DARS2: variants seen among roughly 807,000 people sequenced by gnomAD.
DARS2 encodes the protein aspartyl-tRNA synthetase 2, mitochondrial, also known as aspartate--tRNA ligase, mitochondrial.
DARS2 carries 63 observed loss-of-function variants against 83.0 expected under a neutral mutation model. The ratio of observed to expected loss-of-function variants is 0.76; its 90% CI spans 0.62 to 0.94. The LOEUF (loss-of-function observed/expected upper bound fraction) is 0.94, where lower values mean the gene tolerates loss of function less well. Ranked by LOEUF, DARS2 falls within the 40% of genes least tolerant of loss-of-function variation. The pLI, the probability that DARS2 is intolerant of heterozygous loss-of-function variation, is 0.00. For missense variants in DARS2, 675 were observed against 774.4 expected (o/e 0.87, Z 1.52); for synonymous variants, 250 against 269.3 (o/e 0.93, Z 0.70).
At chr1:173,833,070 C>G (rs61625780) in intron 5 of DARS2, among the ~76,000 whole-genome samples, 1 of 151,976 alleles carries the variant, frequency 6.6e-6, no homozygotes, top group Non-Finnish European at 1.5e-5. Flanking sequence ...TTCTAAGAGA[C>G]CTTTGAAATC....
chr1:173,848,639 T>C (rs1042137815), intron 12 of DARS2, among the ~76,000 whole-genome samples: 1 of 152,266 alleles, frequency 6.6e-6, no homozygotes, highest in Non-Finnish European at 1.5e-5. Context: ...AGAAGTCTGA[T>C]GCTTTGATGC....
At chr1:173,834,732 GTTTT>G in intron 7 of DARS2, among the ~76,000 whole-genome samples, 572 of 21,668 alleles carry the variant, frequency 0.026, 4 homozygotes, top group Middle Eastern at 0.05. Flanking sequence ...GAGTTTTTTT[GTTTT>G]TTTTTTTTTT....
chr1:173,843,483 C>T (rs1653309441), intron 11 of DARS2, among the ~76,000 whole-genome samples: 1 of 152,138 alleles, frequency 6.6e-6, no homozygotes, highest in Non-Finnish European at 1.5e-5. Context: ...TCGCTTGAAC[C>T]CCGGAGGCGG....
chr1:173,847,844 CTTTTTTTTTTT>C (rs1160841148), intron 12 of DARS2, among the ~76,000 whole-genome samples: 4 of 78,616 alleles, frequency 5.1e-5, no homozygotes, highest in South Asian at 4.9e-4. Context: ...CTTTCTGAAC[CTTTTTTTTTTT>C]TTTTTTTTTT....
At chr1:173,838,092 A>T in intron 8 of DARS2, 98 bp from the exon 9 acceptor site, 1 of 985,554 alleles carries the variant, frequency 1.0e-6, no homozygotes, top group Non-Finnish European at 1.6e-6. Context: ...TTTTTTAAGT[A>T]TCATTGTTTT....
At position 173,853,392 on chromosome 1, in the gene DARS2, T is replaced by C. The variant is rs1389551089; in HGVS notation, c.1388T>C (p.Leu463Pro). The C allele has an allele frequency of 6.2e-7, 1 of 1,614,062 alleles. No homozygotes were observed. The highest frequency in any genetic ancestry group is 1.3e-5 in the African/African-American group (1 of 75,000). Residue 463 changes from leucine (L) to proline (P), a missense_variant, in exon 14 of 17, where the codon CTA (leucine) becomes CCA (proline). Leu to Pro is a moderately conservative substitution (Grantham distance 98). Transcript: ENST00000649689. ...TTACGACTGGAATGTGCTGACCTTC[T>C]AGAAACAAGAGGAGTGGTGCTCCGT... is the stretch of plus-strand genomic sequence containing the variant. Reference protein sequence around the residue: ...GKLRLECADLLETRGVVLRDP... With the variant: ...GKLRLECADLPETRGVVLRDP...
chr1:173,834,199 T>G (rs1652894677), intron 6 of DARS2, among the ~76,000 whole-genome samples: 4 of 152,212 alleles, frequency 2.6e-5, no homozygotes, highest in Admixed American at 2.6e-4. Context: ...ACAGAACATT[T>G]AAAAAATCAG....
chr1:173,833,712 G>A (rs577730703), intron 6 of DARS2, among the ~76,000 whole-genome samples: 121 of 151,960 alleles, frequency 8.0e-4, no homozygotes, highest in Non-Finnish European at 1.4e-3. Context: ...ATGTATTATA[G>A]TATTTCCCAT....
At chr1:173,830,852 A>G (rs1652770566) in intron 4 of DARS2, 91 bp downstream of exon 4, 1 of 933,176 alleles carries the variant, frequency 1.1e-6, no homozygotes, top group Non-Finnish European at 1.8e-6. Context: ...ACTGGACATT[A>G]GGCACTAAAG....
chr1:173,834,754 TTTTGG>T (rs1557856431), intron 7 of DARS2, among the ~76,000 whole-genome samples: 1 of 128,570 alleles, frequency 7.8e-6, no homozygotes, highest in African/African-American at 3.0e-5. Flanking sequence ...TTTTTTTTTT[TTTTGG>T]TTTGTTTTGG....
rs572530535 is a variant in DARS2, at chr1:173,843,490, G to A, written c.1129-1739G>A. On this transcript the variant is annotated intron_variant, in intron 11 of 16. Transcript: ENST00000649689. ...CAGAAGAATCGCTTGAACCCCGGAG[G>A]CGGAGGTTGCCGTGATCTGAGATTG... 1.7e-3 allele frequency among the ~76,000 whole-genome samples: 260 copies of A among 152,258 alleles called. 1 individual carries two copies. The highest frequency in any genetic ancestry group is 6.1e-3 in the African/African-American group (252 of 41,540).
chr1:173,840,299 T>C lies in DARS2; in HGVS notation c.1021-567T>C, dbSNP rs1397330639. Among the ~76,000 whole-genome samples, 11 of 152,338 alleles carry C rather than the reference T, an allele frequency of 7.2e-5. No individual in the cohort carries two copies. In the East Asian group the frequency reaches 1.9e-3, roughly 27 times the overall value. On this transcript the variant is annotated intron_variant, in intron 10 of 16. Coordinates refer to ENST00000649689, the MANE Select transcript of DARS2 (RefSeq NM_018122.5). ...TGTTGCCCAGGCTGGAGTGCAGTGG[T>C]AAGATCTTGGCTCACTGCAACTTCG... is the stretch of plus-strand genomic sequence containing the variant.
intron 12 of DARS2, among the ~76,000 whole-genome samples, chr1:173,845,761 C>A (rs1653411142): frequency 6.6e-6 from 1 of 152,172 alleles, no homozygotes; most frequent in Non-Finnish European, 1.5e-5. Flanking sequence ...GTGGCTCACA[C>A]CTGTAATCCC....
Position 173,855,534 on chromosome 1 carries a change from A to C in DARS2, c.1675-1132A>C, listed in dbSNP as rs191963288. On this transcript the variant is annotated intron_variant, in intron 15 of 16. Transcript: ENST00000649689. ...ACCCAGGCTAGAGTGCAATGGCATG[A>C]TCATAACTTAGGGCAGCCTCAAACT... Among the ~76,000 whole-genome samples, 65 of 152,266 alleles carry C rather than the reference A, an allele frequency of 4.3e-4. 1 individual carries two copies. The East Asian group carries it at 0.011, about 27-fold the overall frequency.
intron 5 of DARS2, among the ~76,000 whole-genome samples, chr1:173,831,919 G>A (rs922824872): frequency 1.1e-4 from 17 of 151,982 alleles, no homozygotes; most frequent in East Asian, 3.8e-4. Flanking sequence ...CAAGTTTTTC[G>A]TTGCTATTGT....
intron 12 of DARS2, among the ~76,000 whole-genome samples, chr1:173,847,448 C>T (rs9425756): frequency 0.32 from 48,317 of 151,834 alleles, 8,762 homozygotes; most frequent in African/African-American, 0.5. Flanking sequence ...ATTCTTCTCT[C>T]TCTTCTCCTG....
At chr1:173,853,927 C>G in intron 15 of DARS2, 22 bp downstream of exon 15, 1 of 1,565,914 alleles carries the variant, frequency 6.4e-7, no homozygotes, top group Non-Finnish European at 8.8e-7. Context: ...CATCTGCTAT[C>G]CTGGGCTTAT....
At chr1:173,842,820 C>T (rs1270505528) in intron 11 of DARS2, among the ~76,000 whole-genome samples, 1 of 150,982 alleles carries the variant, frequency 6.6e-6, no homozygotes, top group Non-Finnish European at 1.5e-5. Context: ...TGCCTGTAAT[C>T]TCAGCTACCT....
rs1204227495 is a variant in DARS2, at chr1:173,839,393, C to A, written c.867C>A (p.Asp289Glu). ...TTGACATAGAGATGTCATTTGTAGA[C>A]CAGACTGGGATCCAGAGTTTAATTG... ...TQIDIEMSFVDQTGIQSLIEG... is the reference protein window; with the variant it reads ...TQIDIEMSFVEQTGIQSLIEG... Residue 289 changes from aspartate (D) to glutamate (E), a missense_variant, in exon 10 of 17, where the codon GAC (aspartate) becomes GAA (glutamate). Transcript: ENST00000649689. The A allele has an allele frequency of 1.9e-6, 3 of 1,614,124 alleles. No individual in the cohort carries two copies. The highest frequency in any genetic ancestry group is 3.3e-5 in the Admixed American group (2 of 60,010).
Sources: gnomAD v4.1 joint callset for allele counts (sites outside exome capture counted in the v4.1 genomes callset) on GRCh38, gnomAD v4.1.1 for gene constraint, MANE v1.5 for transcripts, NCBI Gene and HGNC (gene_info 2026-07-23, HGNC 2026-07-21) for gene names.